CALCR: variants seen among roughly 807,000 people sequenced by gnomAD.
The protein encoded by CALCR is calcitonin receptor.
Under a neutral mutation model 59.5 loss-of-function variants are expected in CALCR, and 47 were observed. The observed-to-expected ratio is 0.79, with a 90% CI of 0.63 to 1.01. The LOEUF is 1.01. Ranked by LOEUF, CALCR falls within the 50% of genes least tolerant of loss-of-function variation. The probability of loss-of-function intolerance (pLI) is 0.00; values close to 1 mark genes in which losing one functional copy is unlikely to be tolerated. For synonymous variants in CALCR, 213 were observed against 211.3 expected (o/e 1.01, Z -0.07); for missense variants, 566 against 597.1 (o/e 0.95, Z 0.54).
intron 2 of CALCR, among the ~76,000 whole-genome samples, chr7:93,552,422 AT>A (rs1186974158): frequency 6.6e-6 from 1 of 152,202 alleles, no homozygotes; most frequent in Non-Finnish European, 1.5e-5. Flanking sequence ...ACATTAAGTC[AT>A]TTAAAGCTAA....
intron 2 of CALCR, among the ~76,000 whole-genome samples, chr7:93,496,643 A>C (rs7784667): frequency 0.18 from 26,901 of 151,460 alleles, 5,854 homozygotes; most frequent in African/African-American, 0.51. Context: ...TGTCAAGAAC[A>C]TTTCCACCAA....
At chr7:93,446,165 C>T (rs543509708) in intron 8 of CALCR, among the ~76,000 whole-genome samples, 1 of 152,028 alleles carries the variant, frequency 6.6e-6, no homozygotes, top group African/African-American at 2.4e-5. Flanking sequence ...TGAGAATTGA[C>T]CATATTTGGG....
intron 2 of CALCR, 110 bp from the exon 3 acceptor site, chr7:93,487,117 G>A: frequency 1.6e-6 from 1 of 607,970 alleles, no homozygotes. Context: ...AACATCCCAA[G>A]ACACCCTAAA....
intron 2 of CALCR, among the ~76,000 whole-genome samples, chr7:93,511,346 T>C (rs887642578): frequency 6.6e-6 from 1 of 152,108 alleles, no homozygotes; most frequent in African/African-American, 2.4e-5. Flanking sequence ...ATGTCATATA[T>C]ATTTCATAAC....
In CALCR at chr7:93,565,616, A is replaced by G. The variant is rs566361785; in HGVS notation, c.-27+8673T>C. ...CTAAATTGGCCCTCGAGCAAGGATCATTCACCACTTTGCTGGGATTTTGCC... is the reference window on the plus strand; with the variant it reads ...CTAAATTGGCCCTCGAGCAAGGATCGTTCACCACTTTGCTGGGATTTTGCC... On this transcript the variant is annotated intron_variant, in intron 2 of 13. Transcript: ENST00000426151. Among the ~76,000 whole-genome samples, 5 of 152,312 alleles carry G rather than the reference A, an allele frequency of 3.3e-5. No individual in the cohort carries two copies. The South Asian group carries it at 1.0e-3, about 32-fold the overall frequency.
At chr7:93,551,032 T>C (rs895156484) in intron 2 of CALCR, among the ~76,000 whole-genome samples, 1 of 152,226 alleles carries the variant, frequency 6.6e-6, no homozygotes, top group Admixed American at 6.5e-5. Flanking sequence ...GAAGCCATTA[T>C]GAGTGAGTCT....
In CALCR at chr7:93,479,383, A is replaced by T; in HGVS notation, c.176T>A (p.Met59Lys). 1.9e-6 allele frequency: 3 copies of T among 1,611,544 alleles called. No individual in the cohort carries two copies. In the South Asian group the frequency reaches 3.3e-5, roughly 18 times the overall value. ...TCCTTGGTATGCGGGTAACTGCTGCATTCGGTCATAGCATTTGTACTGTGC... is the reference window on the plus strand; with the variant it reads ...TCCTTGGTATGCGGGTAACTGCTGCTTTCGGTCATAGCATTTGTACTGTGC... ...MDAQYKCYDRMQQLPAYQGEG... is the reference protein window; with the variant it reads ...MDAQYKCYDRKQQLPAYQGEG... The change falls in exon 4 of 14, where the codon ATG (methionine) becomes AAG (lysine). Residue 59 changes from methionine (M) to lysine (K), a missense_variant. Met to Lys is a moderately conservative substitution (Grantham distance 95, BLOSUM62 -1). Coordinates refer to ENST00000426151, the MANE Select transcript of CALCR (RefSeq NM_001742.4).
At chr7:93,492,694 A>G (rs1250315047) in intron 2 of CALCR, among the ~76,000 whole-genome samples, 1 of 151,470 alleles carries the variant, frequency 6.6e-6, no homozygotes, top group African/African-American at 2.4e-5. Flanking sequence ...TATAAATGAT[A>G]TAAGATGTGG....
At chr7:93,434,439 C>T (rs1250203605) in intron 12 of CALCR, 145 bp from the exon 13 acceptor site, 20 of 596,058 alleles carry the variant, frequency 3.4e-5, no homozygotes, top group Non-Finnish European at 5.4e-5. Context: ...ATAGTCAGTG[C>T]TGCACTATAA....
At chr7:93,570,746 A>C (rs7803666) in intron 2 of CALCR, among the ~76,000 whole-genome samples, 1 of 151,972 alleles carries the variant, frequency 6.6e-6, no homozygotes, top group Non-Finnish European at 1.5e-5. Flanking sequence ...TGCCAGCTTC[A>C]ATGAGGTATA....
At chr7:93,470,990 T>G (rs1800540358) in intron 6 of CALCR, among the ~76,000 whole-genome samples, 1 of 145,386 alleles carries the variant, frequency 6.9e-6, no homozygotes, top group Non-Finnish European at 1.5e-5. Context: ...GTGTTCTCAT[T>G]GTTCAATTCC....
At chr7:93,549,315 C>A (rs1789387310) in intron 2 of CALCR, among the ~76,000 whole-genome samples, 1 of 151,946 alleles carries the variant, frequency 6.6e-6, no homozygotes, top group Non-Finnish European at 1.5e-5. Flanking sequence ...ACATATTTTT[C>A]AAATGACTAT....
chr7:93,481,132 A>G (rs1231643797), intron 3 of CALCR, among the ~76,000 whole-genome samples: 1 of 151,944 alleles, frequency 6.6e-6, no homozygotes, highest in African/African-American at 2.4e-5. Flanking sequence ...GTGAGGATGA[A>G]CAAGACAATA....
At chr7:93,455,762 A>G (rs1292631499) in intron 8 of CALCR, among the ~76,000 whole-genome samples, 16 of 151,952 alleles carry the variant, frequency 1.1e-4, no homozygotes, top group Admixed American at 1.1e-3. Flanking sequence ...AACTGAATTT[A>G]CAGTTTCAAC....
In CALCR at chr7:93,518,007, G is replaced by C. The variant is rs1475172259; in HGVS notation, c.-26-31000C>G. Among the ~76,000 whole-genome samples, 3 of 151,794 alleles carry C rather than the reference G, an allele frequency of 2.0e-5. No homozygotes were observed. In the East Asian group the frequency reaches 5.8e-4, roughly 29 times the overall value. ...TGGGAAAAAATGGGTTCCTTCTTCA[G>C]TCCCTACATCTAAATAAATTTCAGG... On this transcript the variant is annotated intron_variant, in intron 2 of 13. Transcript: ENST00000426151.
chr7:93,498,536 C>T (rs532818014), intron 2 of CALCR, among the ~76,000 whole-genome samples: 1 of 151,746 alleles, frequency 6.6e-6, no homozygotes, highest in South Asian at 2.1e-4. Context: ...GAGATAGAAA[C>T]TCTTTGATTC....
intron 7 of CALCR, among the ~76,000 whole-genome samples, chr7:93,462,813 T>C (rs1800363902): frequency 6.6e-6 from 1 of 152,004 alleles, no homozygotes; most frequent in African/African-American, 2.4e-5. Flanking sequence ...ATACTTCCTC[T>C]ACCTCCAGCT....
chr7:93,571,389 G>T (rs1790000018), intron 2 of CALCR, among the ~76,000 whole-genome samples: 3 of 151,904 alleles, frequency 2.0e-5, no homozygotes, highest in Non-Finnish European at 2.9e-5. Context: ...TTTTTTGAAT[G>T]AATGACATTT....
intron 2 of CALCR, among the ~76,000 whole-genome samples, chr7:93,506,307 G>A (rs1801424031): frequency 6.6e-6 from 1 of 152,120 alleles, no homozygotes; most frequent in African/African-American, 2.4e-5. Context: ...GTTTTTTGGG[G>A]AGGTTCATAA....
Sources: allele counts gnomAD v4.1 joint callset (sites outside exome capture counted in the v4.1 genomes callset), GRCh38; gene constraint gnomAD v4.1.1; transcripts MANE v1.5; gene names NCBI Gene and HGNC (gene_info 2026-07-23, HGNC 2026-07-21).